The following TBC1D32 variants were observed in gnomAD, a reference collection of about 807,000 sequenced individuals.
TBC1D32 encodes the protein TBC1 domain family member 32.
TBC1D32 carries 151 observed loss-of-function variants against 170.3 expected under a neutral mutation model. The observed-to-expected ratio is 0.89, with a 90% CI of 0.78 to 1.01. The LOEUF (loss-of-function observed/expected upper bound fraction) is 1.01. Ranked by LOEUF, TBC1D32 falls within the 50% of genes least tolerant of loss-of-function variation. The pLI, the probability that TBC1D32 is intolerant of heterozygous loss-of-function variation, is 0.00. For missense variants in TBC1D32, 1,464 were observed against 1,457.1 expected, an observed-to-expected ratio of 1.00 and a Z score of -0.08; for synonymous variants, 498 against 488.0, an observed-to-expected ratio of 1.02 and a Z score of -0.27.
chr6:121,080,450 G>A lies in TBC1D32; in HGVS notation c.*321C>T, dbSNP rs1775532423. The stretch of plus-strand genomic sequence containing the variant: ...AGGATGGTCTCGATCTCTTGACCTC[G>A]TGATCCGCCCACCTCAGACTCCCAA... On this transcript the variant is annotated 3_prime_UTR_variant, in exon 32 of 32. Coordinates refer to ENST00000398212, the MANE Select transcript of TBC1D32 (RefSeq NM_152730.6). 4.1e-6 allele frequency: 1 copy of A among 241,870 alleles called. No homozygotes were observed. The highest frequency in any genetic ancestry group is 8.5e-6 in the Non-Finnish European group (1 of 117,116). The allele number at this position is 241,870 out of a possible 1,614,324, so 15.0% of individuals were successfully genotyped here. A position where few individuals can be genotyped will look rare whatever the true frequency, so the allele number is the denominator to read the frequency against.
At chr6:121,317,696 T>C in intron 2 of TBC1D32, 24 bp from the exon 3 acceptor site, 2 of 1,512,746 alleles carry the variant, frequency 1.3e-6, no homozygotes, top group Non-Finnish European at 8.9e-7. Context: ...GTAGTCTTAA[T>C]AAGAGAAAGA....
chr6:121,304,456 A>C (rs1444980230), intron 7 of TBC1D32, 30 bp from the exon 8 acceptor site: 13 of 1,607,268 alleles, frequency 8.1e-6, no homozygotes, highest in Non-Finnish European at 1.1e-5. Flanking sequence ...AGTTCTCAAA[A>C]AATTAGCATC....
At chr6:121,301,515 C>T (rs1379447057) in intron 9 of TBC1D32, among the ~76,000 whole-genome samples, 1 of 151,954 alleles carries the variant, frequency 6.6e-6, no homozygotes, top group Non-Finnish European at 1.5e-5. Flanking sequence ...GGGAGGGGAA[C>T]ATCACACACC....
chr6:121,248,751 TAAG>T (rs1413547106), intron 17 of TBC1D32, among the ~76,000 whole-genome samples: 1 of 150,866 alleles, frequency 6.6e-6, no homozygotes, highest in African/African-American at 2.4e-5. Flanking sequence ...TAGATTAAAT[TAAG>T]AAGAAACAGA....
intron 22 of TBC1D32, among the ~76,000 whole-genome samples, chr6:121,169,403 T>C (rs1054447383): frequency 6.6e-6 from 1 of 152,150 alleles, no homozygotes; most frequent in African/African-American, 2.4e-5. Flanking sequence ...CCTTATACCA[T>C]ATACAAAAGT....
intron 15 of TBC1D32, among the ~76,000 whole-genome samples, chr6:121,274,596 T>C (rs996240297): frequency 6.6e-6 from 1 of 151,820 alleles, no homozygotes; most frequent in African/African-American, 2.4e-5. Context: ...CATGTACAAT[T>C]ATTATGTGTC....
At chr6:121,244,696 T>G (rs1162905077) in intron 17 of TBC1D32, among the ~76,000 whole-genome samples, 1 of 152,198 alleles carries the variant, frequency 6.6e-6, no homozygotes. Context: ...GCATATTATG[T>G]AGTGTAGAAT....
At chr6:121,096,829 G>C (rs1048610327) in intron 30 of TBC1D32, among the ~76,000 whole-genome samples, 1 of 152,102 alleles carries the variant, frequency 6.6e-6, no homozygotes, top group Non-Finnish European at 1.5e-5. Context: ...AAACAACATG[G>C]TAGTGGTACC....
At chr6:121,286,979 C>A (rs1803956959) in intron 12 of TBC1D32, among the ~76,000 whole-genome samples, 1 of 152,108 alleles carries the variant, frequency 6.6e-6, no homozygotes, top group Non-Finnish European at 1.5e-5. Flanking sequence ...ACCAGGCCTG[C>A]CCTAAAAGAG....
At chr6:121,231,545 A>G (rs1416544366) in intron 20 of TBC1D32, among the ~76,000 whole-genome samples, 2 of 152,160 alleles carry the variant, frequency 1.3e-5, no homozygotes, top group Non-Finnish European at 2.9e-5. Flanking sequence ...CTGACAGTGT[A>G]AAAGTGTTCC....
intron 15 of TBC1D32, among the ~76,000 whole-genome samples, chr6:121,274,146 AAT>A (rs1801901387): frequency 6.6e-6 from 1 of 152,092 alleles, no homozygotes; most frequent in African/African-American, 2.4e-5. Context: ...CAGCCTGGCC[AAT>A]ATAGTGAAAC....
chr6:121,205,597 A>G (rs79842704), intron 21 of TBC1D32, among the ~76,000 whole-genome samples: 2,892 of 152,326 alleles, frequency 0.019, 104 homozygotes, highest in African/African-American at 0.066. Flanking sequence ...TGTTGTAACT[A>G]GTAACTAGAT....
chr6:121,084,107 G>T (rs1775942904), intron 31 of TBC1D32, among the ~76,000 whole-genome samples: 1 of 152,050 alleles, frequency 6.6e-6, no homozygotes, highest in Non-Finnish European at 1.5e-5. Flanking sequence ...ACCCCATCAA[G>T]GGTGGTCTTG....
rs543310549 is a variant in TBC1D32, at chr6:121,281,572, G to T, written c.1580C>A (p.Pro527His). Residue 527 changes from proline to histidine, a missense_variant, in exon 14 of 32, where the codon CCT becomes CAT. This residue lies in a region of TBC1D32 where 1,363 missense variants were observed against 1,338.1 expected (regional missense o/e 1.02). Transcript: ENST00000398212. ...NNIVIETLLQ[P>H]IHNLMKGNEA... ...ATTTCCTTTCATTAAATTGTGAATA[G>T]GCTGAAGAAGTGTCTCTATTACAAT... 2.1e-5 allele frequency: 33 copies of T among 1,605,424 alleles called. No homozygotes were observed. In the Admixed American group the frequency reaches 2.2e-4, roughly 11 times the overall value.
chr6:121,331,353 C>T (rs1369130346), intron 1 of TBC1D32, among the ~76,000 whole-genome samples: 1 of 149,704 alleles, frequency 6.7e-6, no homozygotes, highest in Non-Finnish European at 1.5e-5. Flanking sequence ...GGATTACCAG[C>T]ACCCACTACC....
At chr6:121,095,421 T>C (rs1310513861) in intron 30 of TBC1D32, among the ~76,000 whole-genome samples, 1 of 152,198 alleles carries the variant, frequency 6.6e-6, no homozygotes, top group Non-Finnish European at 1.5e-5. Flanking sequence ...GAATACCCTT[T>C]ATTTCTTTCT....
intron 29 of TBC1D32, 91 bp downstream of exon 29, chr6:121,112,414 G>A: frequency 1.7e-6 from 2 of 1,161,256 alleles, no homozygotes; most frequent in Non-Finnish European, 2.4e-6. Context: ...TTATTACAAA[G>A]TCCTTCACAA....
At chr6:121,154,850 T>G (rs558491167) in intron 24 of TBC1D32, among the ~76,000 whole-genome samples, 1 of 152,248 alleles carries the variant, frequency 6.6e-6, no homozygotes, top group South Asian at 2.1e-4. Context: ...TATTCTGTTT[T>G]ATTGGTCTAT....
intron 22 of TBC1D32, among the ~76,000 whole-genome samples, chr6:121,190,289 C>T (rs1357510517): frequency 6.7e-6 from 1 of 148,314 alleles, no homozygotes; most frequent in African/African-American, 2.5e-5. Flanking sequence ...TCCCCCTCCA[C>T]CTTATCCTTT....
Sources: allele counts gnomAD v4.1 joint callset (sites outside exome capture counted in the v4.1 genomes callset), GRCh38; gene constraint gnomAD v4.1.1; regional missense constraint gnomAD v4.1.1; transcripts MANE v1.5; gene names NCBI Gene and HGNC (gene_info 2026-07-23, HGNC 2026-07-21).